Variants in PDGFC observed in about 807,000 individuals in gnomAD.
PDGFC encodes the protein platelet-derived growth factor C.
PDGFC carries 12 observed loss-of-function variants against 35.5 expected under a neutral mutation model. The ratio of observed to expected loss-of-function variants is 0.34; its 90% CI spans 0.22 to 0.55. PDGFC has a LOEUF of 0.55. Among genes scored for constraint, PDGFC ranks in the 20% least tolerant of loss-of-function variants. The pLI is 0.91. For synonymous variants in PDGFC, 159 were observed against 148.8 expected, an observed-to-expected ratio of 1.07 and a Z score of -0.50; for missense variants, 322 against 412.4, an observed-to-expected ratio of 0.78 and a Z score of 1.90.
intron 1 of PDGFC, among the ~76,000 whole-genome samples, chr4:156,893,809 T>G (rs1230763461): frequency 6.6e-6 from 1 of 152,186 alleles, no homozygotes; most frequent in Non-Finnish European, 1.5e-5. Flanking sequence ...ATTCAAAACT[T>G]TATCTTAGAA....
At chr4:156,782,137 T>C (rs1159814318) in intron 3 of PDGFC, among the ~76,000 whole-genome samples, 2 of 152,156 alleles carry the variant, frequency 1.3e-5, no homozygotes, top group Non-Finnish European at 2.9e-5. Flanking sequence ...AACAGATTTA[T>C]ATTCAGTAGT....
At chr4:156,923,599 T>TA (rs1240714232) in intron 1 of PDGFC, among the ~76,000 whole-genome samples, 2 of 152,164 alleles carry the variant, frequency 1.3e-5, no homozygotes, top group Non-Finnish European at 2.9e-5. Flanking sequence ...TAAAATGAAA[T>TA]ATGAAAGCAA....
chr4:156,769,101 C>T (rs1352808117), intron 4 of PDGFC, among the ~76,000 whole-genome samples: 1 of 151,094 alleles, frequency 6.6e-6, no homozygotes, highest in Non-Finnish European at 1.5e-5. Flanking sequence ...TTTTTTTCTC[C>T]TAATAAAGTT....
chr4:156,847,214 A>G (rs1729347603), intron 2 of PDGFC, among the ~76,000 whole-genome samples: 1 of 151,670 alleles, frequency 6.6e-6, no homozygotes, highest in Non-Finnish European at 1.5e-5. Flanking sequence ...AAAGAAAAAT[A>G]TATTACCGTA....
intron 1 of PDGFC, among the ~76,000 whole-genome samples, chr4:156,872,101 A>C (rs1729998371): frequency 6.6e-6 from 1 of 152,184 alleles, no homozygotes; most frequent in South Asian, 2.1e-4. Context: ...TAAAACTCTT[A>C]TTTACCATGA....
intron 2 of PDGFC, among the ~76,000 whole-genome samples, chr4:156,829,911 A>G (rs1728886702): frequency 3.3e-5 from 5 of 152,168 alleles, no homozygotes. Flanking sequence ...CAACAAAAAT[A>G]AAAATTAAGT....
intron 1 of PDGFC, among the ~76,000 whole-genome samples, chr4:156,959,356 C>A (rs962833815): frequency 6.6e-6 from 1 of 151,858 alleles, no homozygotes. Flanking sequence ...ATTTGGACTG[C>A]AAATCTATCA....
chr4:156,837,328 G>A (rs1286116833), intron 2 of PDGFC, among the ~76,000 whole-genome samples: 5 of 152,120 alleles, frequency 3.3e-5, no homozygotes, highest in African/African-American at 7.2e-5. Flanking sequence ...GCAGTGAGCC[G>A]AGATTGTGCC....
intron 1 of PDGFC, among the ~76,000 whole-genome samples, chr4:156,902,220 G>A (rs1237319006): frequency 6.6e-6 from 1 of 152,112 alleles, no homozygotes; most frequent in Non-Finnish European, 1.5e-5. Flanking sequence ...AAATATATTT[G>A]TGATTTTTGT....
chr4:156,819,752 C>T (rs995900553), intron 2 of PDGFC, among the ~76,000 whole-genome samples: 1 of 152,086 alleles, frequency 6.6e-6, no homozygotes, highest in African/African-American at 2.4e-5. Context: ...AGTTTTAAGT[C>T]TTATTATGTA....
intron 3 of PDGFC, among the ~76,000 whole-genome samples, chr4:156,798,810 C>T (rs762311141): frequency 6.6e-5 from 10 of 152,176 alleles, no homozygotes; most frequent in Admixed American, 1.3e-4. Flanking sequence ...AATGCTATTT[C>T]ATTAACTTGT....
chr4:156,916,053 C>A (rs17231573), intron 1 of PDGFC, among the ~76,000 whole-genome samples: 38,284 of 151,948 alleles, frequency 0.25, 5,461 homozygotes, highest in South Asian at 0.34. Flanking sequence ...AAGCCTACTC[C>A]TCTTTTGGGA....
At chr4:156,874,383 A>C (rs1044945822) in intron 1 of PDGFC, among the ~76,000 whole-genome samples, 6 of 152,186 alleles carry the variant, frequency 3.9e-5, no homozygotes, top group African/African-American at 1.4e-4. Flanking sequence ...TTAAATAGCT[A>C]GTTTTGAGCA....
chr4:156,950,197 T>C (rs1391551505), intron 1 of PDGFC, among the ~76,000 whole-genome samples: 2 of 151,840 alleles, frequency 1.3e-5, no homozygotes. Context: ...CGAAAAGTAG[T>C]ACATAAATTT....
chr4:156,957,723 C>A (rs1168545505), intron 1 of PDGFC, among the ~76,000 whole-genome samples: 1 of 152,010 alleles, frequency 6.6e-6, no homozygotes, highest in African/African-American at 2.4e-5. Context: ...AAGGAGCTCA[C>A]AATAAAGCAT....
intron 1 of PDGFC, among the ~76,000 whole-genome samples, chr4:156,864,094 C>T (rs1453475505): frequency 1.3e-5 from 2 of 152,058 alleles, no homozygotes; most frequent in Non-Finnish European, 2.9e-5. Flanking sequence ...ACATAATAGA[C>T]ATTCAATAAA....
At chr4:156,805,466 T>C (rs1731731824) in intron 3 of PDGFC, among the ~76,000 whole-genome samples, 1 of 152,070 alleles carries the variant, frequency 6.6e-6, no homozygotes, top group Admixed American at 6.6e-5. Context: ...AATAGGGGAA[T>C]GCAATGCAAT....
chr4:156,766,422 T>C (rs996194300), intron 5 of PDGFC, among the ~76,000 whole-genome samples: 1 of 152,160 alleles, frequency 6.6e-6, no homozygotes, highest in East Asian at 1.9e-4. Flanking sequence ...ATTAATAACA[T>C]TATCATGCTT....
At chr4:156,920,561 T>C (rs1731248628) in intron 1 of PDGFC, among the ~76,000 whole-genome samples, 1 of 151,846 alleles carries the variant, frequency 6.6e-6, no homozygotes, top group Non-Finnish European at 1.5e-5. Flanking sequence ...CAGATGTCCC[T>C]AATTAAAAGA....
Sources: allele counts gnomAD v4.1 joint callset (sites outside exome capture counted in the v4.1 genomes callset), GRCh38; gene constraint gnomAD v4.1.1; transcripts MANE v1.5; gene names NCBI Gene and HGNC (gene_info 2026-07-23, HGNC 2026-07-21).